ZNF414: variants seen among roughly 807,000 people sequenced by gnomAD.
ZNF414 encodes the protein zinc finger protein 414.
In ZNF414, 32 loss-of-function variants were observed where a neutral mutation model predicts 38.3. The ratio of observed to expected loss-of-function variants is 0.83; its 90% CI spans 0.63 to 1.12. The LOEUF (loss-of-function observed/expected upper bound fraction) is 1.12. Among genes scored for constraint, ZNF414 ranks in the 50% most tolerant of loss-of-function variants. The probability of loss-of-function intolerance (pLI) is 0.00; values close to 1 mark genes in which losing one functional copy is unlikely to be tolerated. For synonymous variants in ZNF414, 256 were observed against 248.0 expected, an observed-to-expected ratio of 1.03 and a Z score of -0.30; for missense variants, 589 against 557.4, an observed-to-expected ratio of 1.06 and a Z score of -0.57.
At chr19:8,513,522 G>C (rs1971948355) in intron 1 of ZNF414, among the ~76,000 whole-genome samples, 181 bp from the exon 2 acceptor site, 1 of 152,152 alleles carries the variant, frequency 6.6e-6, no homozygotes, top group Non-Finnish European at 1.5e-5. Flanking sequence ...TGAACCCCTG[G>C]TCTCAAGTGA....
In ZNF414 at chr19:8,511,642, G is replaced by A. The variant is rs1221650247; in HGVS notation, c.849C>T (p.Ser283=). The part of the protein sequence containing the change: ...LAAAPGPPAS[S]AAVWKKSQGA... Reference sequence around the variant, plus strand: ...CTTGGCTCTTTTTCCAGACGGCGGCGCTGGAAGCCGGCGGCCCGGGTGCAG... The same window carrying A: ...CTTGGCTCTTTTTCCAGACGGCGGCACTGGAAGCCGGCGGCCCGGGTGCAG... The change falls in exon 5 of 8, where the codon AGC becomes AGT. Residue 283 remains serine, a synonymous_variant. Coordinates refer to ENST00000393927, the MANE Select transcript of ZNF414 (RefSeq NM_001146175.2). The A allele has an allele frequency of 4.7e-6, 7 of 1,505,292 alleles. No individual in the cohort carries two copies. Among genetic ancestry groups the A allele is most frequent in the Non-Finnish European group, 6.2e-6 (7 of 1,131,424 alleles). 93.2% of individuals were successfully genotyped at this position (1,505,292 alleles called of 1,614,324 possible).
intron 1 of ZNF414, among the ~76,000 whole-genome samples, 177 bp downstream of exon 1, chr19:8,513,867 C>A (rs536264475): frequency 6.6e-6 from 1 of 152,214 alleles, no homozygotes; most frequent in Non-Finnish European, 1.5e-5. Context: ...CCTAGCCTGA[C>A]GGGCGTGGTC....
At chr19:8,513,669 C>G (rs981470574) in intron 1 of ZNF414, among the ~76,000 whole-genome samples, 2 of 152,188 alleles carry the variant, frequency 1.3e-5, no homozygotes, top group Non-Finnish European at 2.9e-5. Context: ...AGTATGCACA[C>G]AAGCGTGGCC....
Position 8,511,931 on chromosome 19 carries a change from G to T in ZNF414, c.560C>A (p.Thr187Lys), listed in dbSNP as rs931511521. The T allele has an allele frequency of 7.7e-6, 11 of 1,423,934 alleles. No individual in the cohort carries two copies. The Admixed American group carries it at 3.3e-4, about 43-fold the overall frequency. The allele number at this position is 1,423,934 out of a possible 1,614,324, so 88.2% of individuals were successfully genotyped here. Residue 187 changes from threonine to lysine, a missense_variant, in exon 5 of 8, where the codon ACG (threonine) becomes AAG (lysine). By Grantham distance (78) the Thr-to-Lys change is moderately conservative (BLOSUM62 -1). Coordinates refer to ENST00000393927, the MANE Select transcript of ZNF414 (RefSeq NM_001146175.2). ...KCENCLLRFR[T>K]HRSLFKHLHV... ...CAGGTGCTTGAAGAGCGAGCGGTGC[G>T]TGCGGAAGCGCAGGAGGCAGTTCTC...
At position 8,510,525 on chromosome 19, in the gene ZNF414, T is replaced by C. The variant is rs1971898340; in HGVS notation, c.*166A>G. ...TCCCAAGATGTGATCAATCCATGAC[T>C]GCTGGGCTCGAGCCCACTATGCTTT... On this transcript the variant is annotated 3_prime_UTR_variant, in exon 8 of 8. Transcript: ENST00000393927. 2 of 755,960 alleles carry C rather than the reference T, an allele frequency of 2.6e-6. No individual in the cohort carries two copies. The highest frequency in any genetic ancestry group is 4.0e-6 in the Non-Finnish European group (2 of 495,042). 46.8% of individuals were successfully genotyped at this position (755,960 alleles called of 1,614,324 possible). A position where few individuals can be genotyped will look rare whatever the true frequency, so the allele number is the denominator to read the frequency against.
In ZNF414 at chr19:8,512,374, G is replaced by A. The variant is rs1971930387; in HGVS notation, c.530+13C>T. 2 of 1,612,648 alleles carry A rather than the reference G, an allele frequency of 1.2e-6. No individual in the cohort carries two copies. Among genetic ancestry groups the A allele is most frequent in the South Asian group, 1.1e-5 (1 of 91,050 alleles). ...GCTAGGGCAGGGCGGAGCTCAAGAG[G>A]TCAGGGTCTCACTTGAAGTAGCGAT... is the stretch of plus-strand genomic sequence containing the variant. On this transcript the variant is annotated intron_variant, in intron 4 of 7. Coordinates refer to ENST00000393927, the MANE Select transcript of ZNF414 (RefSeq NM_001146175.2).
chr19:8,512,303 C>A, intron 4 of ZNF414, 84 bp downstream of exon 4: 3 of 1,563,606 alleles, frequency 1.9e-6, no homozygotes, highest in East Asian at 2.2e-5. Context: ...CCTCCAACAC[C>A]CTGACCAGGA....
chr19:8,511,012 G>T lies in ZNF414; in HGVS notation c.938C>A (p.Pro313Gln). 7.8e-7 allele frequency: 1 copy of T among 1,274,744 alleles called. No individual in the cohort carries two copies. The highest frequency in any genetic ancestry group is 9.9e-7 in the Non-Finnish European group (1 of 1,010,488). 79.0% of individuals were successfully genotyped at this position (1,274,744 alleles called of 1,614,324 possible). A position where few individuals can be genotyped will look rare whatever the true frequency, so the allele number is the denominator to read the frequency against. Reference protein sequence around the residue: ...GSDAPSGHAAPSRIVWEHTRG... With the variant: ...GSDAPSGHAAQSRIVWEHTRG... ...TGTGTGCTCCCACACGATGCGGCTCGGGGCCGCGTGCCCTGCGGGCAGGCG... is the reference window on the plus strand; with the variant it reads ...TGTGTGCTCCCACACGATGCGGCTCTGGGCCGCGTGCCCTGCGGGCAGGCG... Residue 313 changes from proline to glutamine, a missense_variant, in exon 7 of 8, where the codon CCG (proline) becomes CAG (glutamine). Pro to Gln is a moderately conservative substitution (Grantham distance 76, BLOSUM62 -1). Transcript: ENST00000393927.
Position 8,510,640 on chromosome 19 carries a change from C to T in ZNF414, c.*51G>A. The T allele has an allele frequency of 6.6e-7, 1 of 1,511,856 alleles. No homozygotes were observed. Among genetic ancestry groups the T allele is most frequent in the Non-Finnish European group, 8.9e-7 (1 of 1,119,426 alleles). 93.7% of individuals were successfully genotyped at this position (1,511,856 alleles called of 1,614,324 possible). A position where few individuals can be genotyped will look rare whatever the true frequency, so the allele number is the denominator to read the frequency against. Reference sequence around the variant, plus strand: ...AGCCCCCCTTCCCTGCAGCCCCCTCCAAATGACAAAACTACCCACATCCCA... The same window carrying T: ...AGCCCCCCTTCCCTGCAGCCCCCTCTAAATGACAAAACTACCCACATCCCA... On this transcript the variant is annotated 3_prime_UTR_variant, in exon 8 of 8. Transcript: ENST00000393927.
chr19:8,511,978 G>C lies in ZNF414; in HGVS notation c.531-18C>G, dbSNP rs2287865. Reference sequence around the variant, plus strand: ...TCTCACACCTGGAGGTGGGCAGAGGGCTGGGCTGGGCTGGGCCTCCAGGGG... The same window carrying C: ...TCTCACACCTGGAGGTGGGCAGAGGCCTGGGCTGGGCTGGGCCTCCAGGGG... On this transcript the variant is annotated intron_variant, in intron 4 of 7. Transcript: ENST00000393927. The C allele has an allele frequency of 0.17, 241,084 of 1,405,430 alleles. 21,249 individuals are homozygous for C. Among genetic ancestry groups the C allele is most frequent in the African/African-American group, 0.26 (18,228 of 69,186 alleles). The allele number at this position is 1,405,430 out of a possible 1,614,324, so 87.1% of individuals were successfully genotyped here.
Position 8,513,276 on chromosome 19 carries a change from G to A in ZNF414, c.69C>T (p.Thr23=), listed in dbSNP as rs951295818. The change falls in exon 2 of 8, where the codon ACC becomes ACT. Residue 23 remains threonine (T), a synonymous_variant. Transcript: ENST00000393927. Reference sequence around the variant, plus strand: ...CAGCCGGGGACAACACCTCCTTGTCGGTCTCACTGGAGCTGGGCTCTGCAG... The same window carrying A: ...CAGCCGGGGACAACACCTCCTTGTCAGTCTCACTGGAGCTGGGCTCTGCAG... The part of the protein sequence containing the change: ...LATAEPSSSE[T]DKEVLSPAVP... 4 of 1,596,168 alleles carry A rather than the reference G, an allele frequency of 2.5e-6. No individual in the cohort carries two copies. The highest frequency in any genetic ancestry group is 2.2e-5 in the South Asian group (2 of 90,202).
chr19:8,511,175 C>A (rs1971907875), intron 6 of ZNF414, among the ~76,000 whole-genome samples, 151 bp from the exon 7 acceptor site: 2 of 152,178 alleles, frequency 1.3e-5, no homozygotes, highest in Admixed American at 1.3e-4. Flanking sequence ...CCGGGTCTGT[C>A]TGCCCCTAGA....
At chr19:8,513,940 C>T (rs1971954090) in intron 1 of ZNF414, 104 bp downstream of exon 1, 2 of 1,288,178 alleles carry the variant, frequency 1.6e-6, no homozygotes, top group Admixed American at 4.1e-5. Flanking sequence ...GGACGGGTGC[C>T]CGGATGTGGG....
chr19:8,511,087 G>T (rs1320428024), intron 6 of ZNF414, 63 bp from the exon 7 acceptor site: 97 of 1,290,674 alleles, frequency 7.5e-5, no homozygotes, highest in Non-Finnish European at 9.3e-5. Flanking sequence ...CGTGCGCCAA[G>T]GATGGAGGAC....
rs1008400153 is a variant in ZNF414 at position 8,511,106 on chromosome 19, G to A, written c.926-82C>T. The stretch of plus-strand genomic sequence containing the variant: ...CGCCAAGGATGGAGGACGCCGGCGA[G>A]GGTGGGTGGGACTTTTTCCCGCCCC... On this transcript the variant is annotated intron_variant, in intron 6 of 7. Coordinates refer to ENST00000393927, the MANE Select transcript of ZNF414 (RefSeq NM_001146175.2). The A allele has an allele frequency of 9.3e-6, 12 of 1,283,686 alleles. No homozygotes were observed. The Admixed American group carries it at 1.5e-4, about 16-fold the overall frequency. 79.5% of individuals were successfully genotyped at this position (1,283,686 alleles called of 1,614,324 possible).
chr19:8,512,228 GC>G (rs1971927918), intron 4 of ZNF414, 158 bp downstream of exon 4: 2 of 1,443,504 alleles, frequency 1.4e-6, no homozygotes, highest in Non-Finnish European at 1.8e-6. Context: ...GCCCACGTAT[GC>G]CCCGCCCCAT....
chr19:8,510,617 C>T lies in ZNF414; in HGVS notation c.*74G>A, dbSNP rs374922195. On this transcript the variant is annotated 3_prime_UTR_variant, in exon 8 of 8. Transcript: ENST00000393927. ...GCGCCTTCTTTATTGTCCACCCCAG[C>T]CCCCCTTCCCTGCAGCCCCCTCCAA... The T allele has an allele frequency of 1.9e-5, 26 of 1,361,928 alleles. No individual in the cohort carries two copies. The highest frequency in any genetic ancestry group is 1.9e-4 in the Middle Eastern group (1 of 5,244). 84.4% of individuals were successfully genotyped at this position (1,361,928 alleles called of 1,614,324 possible).
chr19:8,513,831 G>T (rs1971952730), intron 1 of ZNF414, among the ~76,000 whole-genome samples: 1 of 152,314 alleles, frequency 6.6e-6, no homozygotes, highest in South Asian at 2.1e-4. Flanking sequence ...CTGGGGGCCC[G>T]GATGTAAGAA....
chr19:8,514,089 T>TGCAGCTTAGGCGGCG lies in ZNF414; in HGVS notation c.-58_-44dup, dbSNP rs1368733123. On this transcript the variant is annotated 5_prime_UTR_variant, in exon 1 of 8. Coordinates refer to ENST00000393927, the MANE Select transcript of ZNF414 (RefSeq NM_001146175.2). ...CTCTTGTTTCTGCGGCTCCGGCGGCTGCAGCTTAGGCGGCGGCCACCCTCT... is the reference window on the plus strand; with the variant it reads ...CTCTTGTTTCTGCGGCTCCGGCGGCTGCAGCTTAGGCGGCGGCAGCTTAGGCGGCGGCCACCCTCT... The TGCAGCTTAGGCGGCG allele has an allele frequency of 1.4e-6, 2 of 1,462,268 alleles. No homozygotes were observed. The highest frequency in any genetic ancestry group is 9.0e-7 in the Non-Finnish European group (1 of 1,108,066). The allele number at this position is 1,462,268 out of a possible 1,614,324, so 90.6% of individuals were successfully genotyped here. A position where few individuals can be genotyped will look rare whatever the true frequency, so the allele number is the denominator to read the frequency against.
Sources: allele counts gnomAD v4.1 joint callset (sites outside exome capture counted in the v4.1 genomes callset), GRCh38; gene constraint gnomAD v4.1.1; transcripts MANE v1.5; gene names NCBI Gene and HGNC (gene_info 2026-07-23, HGNC 2026-07-21).